Variants in SRGAP2 observed in about 807,000 individuals in gnomAD.
The protein encoded by SRGAP2 is SLIT-ROBO Rho GTPase-activating protein 2.
SRGAP2 carries 15 observed loss-of-function variants against 57.2 expected under a neutral mutation model. The observed-to-expected ratio is 0.26, with a 90% CI of 0.18 to 0.40. The LOEUF is 0.40. Among genes scored for constraint, SRGAP2 ranks in the 10% least tolerant of loss-of-function variants. The probability of loss-of-function intolerance (pLI) is 1.00; values close to 1 mark genes in which losing one functional copy is unlikely to be tolerated. For missense variants in SRGAP2, 520 were observed against 669.6 expected, an observed-to-expected ratio of 0.78 and a Z score of 2.47; for synonymous variants, 249 against 248.0, an observed-to-expected ratio of 1.00 and a Z score of -0.04.
chr1:206,450,370 C>G lies in SRGAP2; in HGVS notation c.2100-16C>G, dbSNP rs1171099832. On this transcript the variant is annotated splice_polypyrimidine_tract_variant and intron_variant, in intron 18 of 22. Coordinates refer to ENST00000573034, the MANE Select transcript of SRGAP2 (RefSeq NM_015326.5). Reference sequence around the variant, plus strand: ...AGCACATGTTAATGTCCCTGTCACTCTTGCTTCTGTTGCAGTGATAGCCCT... The same window carrying G: ...AGCACATGTTAATGTCCCTGTCACTGTTGCTTCTGTTGCAGTGATAGCCCT... The G allele has an allele frequency of 2.6e-6, 2 of 780,588 alleles. No homozygotes were observed. The highest frequency in any genetic ancestry group is 3.4e-5 in the African/African-American group (2 of 59,242). The allele number at this position is 780,588 out of a possible 1,614,324, so 48.4% of individuals were successfully genotyped here.
chr1:206,347,586 G>A (rs1302120269), intron 4 of SRGAP2, among the ~76,000 whole-genome samples: 1 of 150,768 alleles, frequency 6.6e-6, no homozygotes, highest in Non-Finnish European at 1.5e-5. Context: ...CAGAAAAAAA[G>A]AAGAGAGAGA....
chr1:206,207,687 T>TAA (rs1666044732), intron 2 of SRGAP2: 2 of 142,136 alleles, frequency 1.4e-5, no homozygotes, highest in Non-Finnish European at 3.1e-5. Flanking sequence ...TGTTAATAAC[T>TAA]TTGATCTTCC....
At chr1:206,436,929 T>C (rs1156863649) in intron 14 of SRGAP2, 36 bp from the exon 15 acceptor site, 1 of 780,414 alleles carries the variant, frequency 1.3e-6, no homozygotes, top group African/African-American at 1.7e-5. Context: ...GAATTTGCTT[T>C]TTCTTCTTCT....
chr1:206,229,606 A>T (rs538619866), intron 2 of SRGAP2, among the ~76,000 whole-genome samples: 1 of 152,132 alleles, frequency 6.6e-6, no homozygotes, highest in East Asian at 1.9e-4. Context: ...AGGATACAGG[A>T]TAGTGAAGGA....
At chr1:206,440,183 A>G (rs187060817) in intron 17 of SRGAP2, 102 bp downstream of exon 17, 25 of 692,906 alleles carry the variant, frequency 3.6e-5, no homozygotes, top group Middle Eastern at 2.4e-4. Flanking sequence ...CAAAATATTT[A>G]TTGAGCACCT....
At chr1:206,324,755 G>A (rs578092332) in intron 3 of SRGAP2, among the ~76,000 whole-genome samples, 91 of 152,178 alleles carry the variant, frequency 6.0e-4, no homozygotes, top group African/African-American at 2.0e-3. Flanking sequence ...TTTAGCTTTG[G>A]CATTCCTAGT....
At chr1:206,356,021 G>A (rs1553339232) in intron 4 of SRGAP2, among the ~76,000 whole-genome samples, 2 of 146,628 alleles carry the variant, frequency 1.4e-5, no homozygotes, top group Non-Finnish European at 3.0e-5. Context: ...GAAAAGGAGA[G>A]GATTGTTAAT....
At chr1:206,459,008 A>C in intron 22 of SRGAP2, 61 bp downstream of exon 22, 1 of 658,780 alleles carries the variant, frequency 1.5e-6, no homozygotes, top group Non-Finnish European at 2.8e-6. Context: ...ACTTAGTGCC[A>C]CCCACCTAAT....
intron 2 of SRGAP2, among the ~76,000 whole-genome samples, chr1:206,298,795 C>T (rs1277102193): frequency 1.3e-5 from 2 of 152,058 alleles, no homozygotes; most frequent in Middle Eastern, 3.2e-3. Context: ...TTTTTCTTAG[C>T]CCTGTTATGT....
chr1:206,266,476 C>T (rs1669856084), intron 2 of SRGAP2, among the ~76,000 whole-genome samples: 1 of 152,184 alleles, frequency 6.6e-6, no homozygotes, highest in African/African-American at 2.4e-5. Flanking sequence ...CTCCTGACCT[C>T]AGGTGATCCT....
At chr1:206,286,352 G>A (rs1233053343) in intron 2 of SRGAP2, among the ~76,000 whole-genome samples, 1 of 152,058 alleles carries the variant, frequency 6.6e-6, no homozygotes, top group African/African-American at 2.4e-5. Context: ...AATAACTCTT[G>A]CTTATTTTTT....
chr1:206,348,839 T>TA (rs1675843600), intron 4 of SRGAP2, among the ~76,000 whole-genome samples: 1 of 61,128 alleles, frequency 1.6e-5, no homozygotes, highest in Admixed American at 2.0e-4. Flanking sequence ...TGGGGAGTTT[T>TA]AAAAAAATCT....
At chr1:206,416,370 ACGCAGC>A (rs1339392027) in intron 11 of SRGAP2, among the ~76,000 whole-genome samples, 6 of 152,204 alleles carry the variant, frequency 3.9e-5, no homozygotes, top group African/African-American at 1.4e-4. Flanking sequence ...GAGATGAGAT[ACGCAGC>A]TGCTCTGAGA....
intron 7 of SRGAP2, among the ~76,000 whole-genome samples, chr1:206,398,281 T>C (rs1390596255): frequency 1.3e-5 from 2 of 152,152 alleles, no homozygotes; most frequent in African/African-American, 4.8e-5. Flanking sequence ...TTGCCAGATA[T>C]TGCTTCTTCG....
chr1:206,428,648 CA>C (rs1661023040), intron 13 of SRGAP2, among the ~76,000 whole-genome samples: 1 of 151,992 alleles, frequency 6.6e-6, no homozygotes, highest in Non-Finnish European at 1.5e-5. Flanking sequence ...ACTAAGCCTT[CA>C]TTTCTTCATT....
intron 4 of SRGAP2, among the ~76,000 whole-genome samples, chr1:206,347,904 T>C (rs75310111): frequency 0.11 from 16,316 of 150,460 alleles, 2,146 homozygotes; most frequent in African/African-American, 0.31. Flanking sequence ...AGCATGTTTA[T>C]ACTCCCCAGG....
intron 2 of SRGAP2, among the ~76,000 whole-genome samples, chr1:206,283,675 CAAA>C (rs1240979603): frequency 8.3e-6 from 1 of 120,372 alleles, no homozygotes; most frequent in African/African-American, 3.1e-5. Context: ...GACTCTGTCT[CAAA>C]AAAAAAAAAA....
intron 14 of SRGAP2, among the ~76,000 whole-genome samples, chr1:206,431,961 C>T (rs1339558807): frequency 1.3e-5 from 2 of 152,142 alleles, no homozygotes; most frequent in Non-Finnish European, 2.9e-5. Context: ...AAAAAGGAAG[C>T]GGCAGGAGAT....
chr1:206,390,646 A>AT (rs1448174411), intron 5 of SRGAP2, among the ~76,000 whole-genome samples: 3 of 150,570 alleles, frequency 2.0e-5, no homozygotes, highest in South Asian at 2.1e-4. Context: ...GAGAAAAAAA[A>AT]GAGGAGCCTC....
Sources: allele counts gnomAD v4.1 joint callset (sites outside exome capture counted in the v4.1 genomes callset), GRCh38; gene constraint gnomAD v4.1.1; transcripts MANE v1.5; gene names NCBI Gene and HGNC (gene_info 2026-07-23, HGNC 2026-07-21).